FAM135A: variants seen among roughly 807,000 people sequenced by gnomAD.
FAM135A encodes protein FAM135A.
A neutral mutation model predicts 146.8 loss-of-function variants in FAM135A; 79 were observed. That is an observed-to-expected ratio of 0.54 (90% confidence interval 0.45 to 0.65). FAM135A has a LOEUF of 0.65. Among genes scored for constraint, FAM135A ranks in the 30% least tolerant of loss-of-function variants. The pLI is 0.00. For missense variants in FAM135A, 1,623 were observed against 1,758.2 expected, an observed-to-expected ratio of 0.92 and a Z score of 1.38; for synonymous variants, 562 against 603.6, an observed-to-expected ratio of 0.93 and a Z score of 1.01.
At chr6:70,429,514 A>G (rs1191096071) in intron 4 of FAM135A, among the ~76,000 whole-genome samples, 2 of 152,150 alleles carry the variant, frequency 1.3e-5, no homozygotes, top group African/African-American at 4.8e-5. Flanking sequence ...CTCCATCTCA[A>G]GGAACGTTAA....
In FAM135A at chr6:70,508,983, A is replaced by G. The variant is rs1162961355; in HGVS notation, c.1029+6192A>G. Among the ~76,000 whole-genome samples, 116 of 152,198 alleles carry G rather than the reference A, an allele frequency of 7.6e-4. 1 individual carries two copies. Among genetic ancestry groups the G allele is most frequent in the Non-Finnish European group, 7.4e-5 (5 of 68,016 alleles). On this transcript the variant is annotated intron_variant, in intron 12 of 21. Transcript: ENST00000418814. ...AATTTTAAGCTTATTCTTGTGTGGA[A>G]GCAGGGCCTTTTGGAAACATATGGC... is the stretch of plus-strand genomic sequence containing the variant.
chr6:70,525,150 T>G lies in FAM135A; in HGVS notation c.2066T>G (p.Val689Gly). 2.5e-6 allele frequency: 4 copies of G among 1,576,334 alleles called. No homozygotes were observed. Among genetic ancestry groups the G allele is most frequent in the Non-Finnish European group, 3.4e-6 (4 of 1,165,482 alleles). Reference sequence around the variant, plus strand: ...GAGCTTCGACAAGAGGAAATACTTGTGGATAATTTACTACCCAACTTTGAG... The same window carrying G: ...GAGCTTCGACAAGAGGAAATACTTGGGGATAATTTACTACCCAACTTTGAG... ...WTELRQEEIL[V>G]DNLLPNFESL... is the part of the protein sequence containing the mutation. The change falls in exon 15 of 22, where the codon GTG (valine) becomes GGG (glycine). Residue 689 changes from valine (V) to glycine (G), a missense_variant. Coordinates refer to ENST00000418814, the MANE Select transcript of FAM135A (RefSeq NM_001162529.3).
At chr6:70,429,919 A>C (rs1216276789) in intron 4 of FAM135A, among the ~76,000 whole-genome samples, 4 of 150,946 alleles carry the variant, frequency 2.6e-5, no homozygotes. Flanking sequence ...TTTTGCCTTG[A>C]CCTTGCCATC....
chr6:70,494,500 T>C (rs1344337907), intron 11 of FAM135A, among the ~76,000 whole-genome samples: 2 of 151,892 alleles, frequency 1.3e-5, no homozygotes, highest in South Asian at 4.1e-4. Context: ...GTCTCAAGTT[T>C]AAAAAAAGAA....
At chr6:70,468,663 A>G (rs1780954832) in intron 5 of FAM135A, among the ~76,000 whole-genome samples, 1 of 152,182 alleles carries the variant, frequency 6.6e-6, no homozygotes, top group Non-Finnish European at 1.5e-5. Flanking sequence ...AGTTTGGTAA[A>G]ATCTAAGATT....
At chr6:70,469,629 A>T (rs1478395439) in intron 5 of FAM135A, among the ~76,000 whole-genome samples, 3 of 152,174 alleles carry the variant, frequency 2.0e-5, no homozygotes, top group Non-Finnish European at 4.4e-5. Context: ...AAGTGGCAGA[A>T]CCAGGACTAA....
chr6:70,515,114 C>G (rs1431392750), intron 12 of FAM135A, among the ~76,000 whole-genome samples: 1 of 152,194 alleles, frequency 6.6e-6, no homozygotes, highest in African/African-American at 2.4e-5. Flanking sequence ...CTGACAACAG[C>G]AAATGTTGGT....
intron 4 of FAM135A, among the ~76,000 whole-genome samples, chr6:70,435,098 TATATA>T (rs1562411599): frequency 2.5e-5 from 3 of 119,174 alleles, no homozygotes; most frequent in African/African-American, 9.3e-5. Flanking sequence ...TATATATATA[TATATA>T]TATATATTTT....
chr6:70,499,436 A>G (rs1382935576), intron 11 of FAM135A, among the ~76,000 whole-genome samples: 1 of 152,058 alleles, frequency 6.6e-6, no homozygotes, highest in South Asian at 2.1e-4. Flanking sequence ...TCTTTATCCA[A>G]TTTGCCAGTC....
chr6:70,510,921 C>T (rs1033622727), intron 12 of FAM135A, among the ~76,000 whole-genome samples: 22 of 152,042 alleles, frequency 1.4e-4, no homozygotes, highest in African/African-American at 5.3e-4. Context: ...CATATACTTA[C>T]AAACACTTGT....
chr6:70,476,511 T>G (rs1259262596), intron 7 of FAM135A, among the ~76,000 whole-genome samples: 1 of 152,104 alleles, frequency 6.6e-6, no homozygotes, highest in Non-Finnish European at 1.5e-5. Context: ...GTCTTTTTTT[T>G]TTCACCAAGT....
chr6:70,546,905 G>A (rs1408432892), intron 20 of FAM135A, among the ~76,000 whole-genome samples: 1 of 152,132 alleles, frequency 6.6e-6, no homozygotes, highest in Non-Finnish European at 1.5e-5. Context: ...AATGTGGAAA[G>A]TAAAATAAAT....
intron 5 of FAM135A, among the ~76,000 whole-genome samples, chr6:70,465,347 C>A (rs1179818820): frequency 1.3e-5 from 2 of 152,146 alleles, no homozygotes; most frequent in Admixed American, 6.5e-5. Flanking sequence ...GCAAACATCT[C>A]TTTGACCCTC....
At chr6:70,451,969 A>G (rs1280345401) in intron 4 of FAM135A, among the ~76,000 whole-genome samples, 2 of 151,946 alleles carry the variant, frequency 1.3e-5, no homozygotes, top group East Asian at 3.9e-4. Flanking sequence ...TATGTATGCT[A>G]TTTCAAAAAT....
intron 11 of FAM135A, among the ~76,000 whole-genome samples, chr6:70,493,493 T>C (rs1582525478): frequency 6.6e-6 from 1 of 152,334 alleles, no homozygotes; most frequent in South Asian, 2.1e-4. Flanking sequence ...TGTCATAAAC[T>C]TTAACATCAA....
intron 20 of FAM135A, among the ~76,000 whole-genome samples, chr6:70,547,972 T>C (rs1260741489): frequency 6.6e-6 from 1 of 152,226 alleles, no homozygotes; most frequent in Non-Finnish European, 1.5e-5. Context: ...ACCCACGGAC[T>C]AGTTAACTAC....
chr6:70,557,893 G>A (rs1490210840), intron 21 of FAM135A, among the ~76,000 whole-genome samples: 1 of 152,052 alleles, frequency 6.6e-6, no homozygotes, highest in South Asian at 2.1e-4. Flanking sequence ...TACATGGTAA[G>A]TACTCCTTTA....
intron 4 of FAM135A, among the ~76,000 whole-genome samples, chr6:70,433,786 TA>T (rs888990898): frequency 1.3e-5 from 2 of 152,314 alleles, no homozygotes; most frequent in South Asian, 2.1e-4. Context: ...TATTCAATGT[TA>T]AAAAAAGTTA....
intron 20 of FAM135A, among the ~76,000 whole-genome samples, chr6:70,542,398 C>G (rs1304235661): frequency 6.6e-6 from 1 of 151,810 alleles, no homozygotes; most frequent in East Asian, 1.9e-4. Context: ...TTTGTACCTC[C>G]TCATGTGTTT....
Sources: allele counts gnomAD v4.1 joint callset (sites outside exome capture counted in the v4.1 genomes callset), GRCh38; gene constraint gnomAD v4.1.1; transcripts MANE v1.5; gene names NCBI Gene and HGNC (gene_info 2026-07-23, HGNC 2026-07-21).